The following CSMD3 variants were observed in gnomAD, a reference collection of about 807,000 sequenced individuals.
CSMD3 encodes CUB and Sushi multiple domains 3.
In CSMD3, 177 loss-of-function variants were observed where a neutral mutation model predicts 435.2. The observed-to-expected ratio is 0.41, with a 90% CI of 0.36 to 0.46. The LOEUF (loss-of-function observed/expected upper bound fraction) is 0.46, where lower values mean the gene tolerates loss of function less well. Ranked by LOEUF, CSMD3 falls within the 20% of genes least tolerant of loss-of-function variation. The pLI is 0.34. For synonymous variants in CSMD3, 1,656 were observed against 1,520.5 expected (o/e 1.09, Z -2.07); for missense variants, 4,265 against 4,504.6 (o/e 0.95, Z 1.52).
intron 4 of CSMD3, among the ~76,000 whole-genome samples, chr8:113,172,668 G>A (rs2092286890): frequency 6.6e-6 from 1 of 152,148 alleles, no homozygotes; most frequent in African/African-American, 2.4e-5. Context: ...TGACAAAGCT[G>A]GGATAAGAAG....
intron 3 of CSMD3, among the ~76,000 whole-genome samples, chr8:113,253,471 GT>G (rs915342094): frequency 6.6e-4 from 97 of 147,836 alleles, no homozygotes; most frequent in African/African-American, 2.1e-3. Context: ...ATTTAAAACT[GT>G]TTTTTTTTTC....
At chr8:113,030,719 G>A (rs2087071381) in intron 5 of CSMD3, among the ~76,000 whole-genome samples, 1 of 150,784 alleles carries the variant, frequency 6.6e-6, no homozygotes, top group Non-Finnish European at 1.5e-5. Context: ...TGAATAAGAA[G>A]ATGAAAAGAC....
chr8:112,405,135 A>G (rs3860881), intron 35 of CSMD3, among the ~76,000 whole-genome samples: 62,765 of 136,716 alleles, frequency 0.46, 15,073 homozygotes, highest in Middle Eastern at 0.6. Flanking sequence ...AGGGAGCTGT[A>G]ATCATGCCAC....
intron 5 of CSMD3, among the ~76,000 whole-genome samples, chr8:113,069,052 A>C (rs199767237): frequency 2.0e-5 from 3 of 149,244 alleles, no homozygotes; most frequent in African/African-American, 7.4e-5. Context: ...CCAAAAAAAA[A>C]GGAGGATTAG....
Position 112,459,358 on chromosome 8 carries a change from T to G in CSMD3, c.5395+13233A>C, listed in dbSNP as rs1187005437. 3.7e-3 allele frequency among the ~76,000 whole-genome samples: 417 copies of G among 112,618 alleles called. 1 individual carries two copies. Among genetic ancestry groups the G allele is most frequent in the African/African-American group, 0.011 (336 of 31,190 alleles). 73.9% of individuals were successfully genotyped at this position (112,618 alleles called of 152,430 possible). A position where few individuals can be genotyped will look rare whatever the true frequency, so the allele number is the denominator to read the frequency against. ...ATTGTGTGTGTGTTGTGTGTGTGTG[T>G]GGGGGGGGGGGGTTTATTCAATTAT... On this transcript the variant is annotated intron_variant, in intron 32 of 70. Transcript: ENST00000297405.
In CSMD3 at chr8:113,192,415, C is replaced by G. The variant is rs148919864; in HGVS notation, c.515-18499G>C. Among the ~76,000 whole-genome samples, 18 of 151,568 alleles carry G rather than the reference C, an allele frequency of 1.2e-4. No homozygotes were observed. The East Asian group carries it at 3.5e-3, about 30-fold the overall frequency. The stretch of plus-strand genomic sequence containing the variant: ...CAATTTTCTTTCGATATGGAATTTC[C>G]TTTCAGTATGGAAATTCTTGTCCTC... On this transcript the variant is annotated intron_variant, in intron 3 of 70. Transcript: ENST00000297405.
intron 1 of CSMD3, among the ~76,000 whole-genome samples, chr8:113,318,759 G>A (rs1295338772): frequency 6.8e-6 from 1 of 146,228 alleles, no homozygotes. Context: ...GCACATGGTG[G>A]GATTTCCTCT....
At chr8:112,698,134 A>G (rs1242820725) in intron 13 of CSMD3, among the ~76,000 whole-genome samples, 1 of 151,976 alleles carries the variant, frequency 6.6e-6, no homozygotes, top group Non-Finnish European at 1.5e-5. Flanking sequence ...TAAGGTTGGG[A>G]GGTTAAGTAT....
chr8:112,628,972 A>G (rs2074433856), intron 22 of CSMD3, among the ~76,000 whole-genome samples: 1 of 152,172 alleles, frequency 6.6e-6, no homozygotes, highest in Non-Finnish European at 1.5e-5. Context: ...AACATAATCA[A>G]ATTTGCATCA....
At chr8:112,637,420 C>T (rs2074693251) in intron 21 of CSMD3, among the ~76,000 whole-genome samples, 1 of 152,038 alleles carries the variant, frequency 6.6e-6, no homozygotes, top group African/African-American at 2.4e-5. Flanking sequence ...TAATATTTTA[C>T]ATTTAAATGA....
chr8:113,135,569 A>G (rs749667970), intron 4 of CSMD3, among the ~76,000 whole-genome samples: 5 of 151,888 alleles, frequency 3.3e-5, no homozygotes, highest in Admixed American at 1.3e-4. Context: ...GCTACCTTCC[A>G]GTGAGAGTAT....
intron 5 of CSMD3, among the ~76,000 whole-genome samples, chr8:113,033,242 G>A (rs1412097016): frequency 4.0e-5 from 6 of 151,594 alleles, no homozygotes; most frequent in Non-Finnish European, 8.8e-5. Context: ...TAGATCTAAC[G>A]ACAGTCTGCA....
chr8:112,239,168 C>A (rs1813871816), intron 66 of CSMD3, among the ~76,000 whole-genome samples: 1 of 152,028 alleles, frequency 6.6e-6, no homozygotes, highest in Non-Finnish European at 1.5e-5. Context: ...TACGTCACTT[C>A]CCTTTCTTTG....
At chr8:113,365,971 A>G (rs556500359) in intron 1 of CSMD3, among the ~76,000 whole-genome samples, 2 of 152,172 alleles carry the variant, frequency 1.3e-5, no homozygotes, top group Non-Finnish European at 2.9e-5. Flanking sequence ...ATCCAGTTTA[A>G]TCAATACATT....
intron 32 of CSMD3, among the ~76,000 whole-genome samples, chr8:112,453,037 T>G (rs747459005): frequency 1.3e-5 from 2 of 152,200 alleles, no homozygotes; most frequent in Non-Finnish European, 2.9e-5. Context: ...CTCATCAGAT[T>G]CCTGACTCTT....
intron 13 of CSMD3, 76 bp downstream of exon 13, chr8:112,800,086 T>C: frequency 1.0e-6 from 1 of 965,204 alleles, no homozygotes; most frequent in South Asian, 1.3e-5. Flanking sequence ...ATTTTGTAGA[T>C]GCAATTAAAC....
At chr8:112,481,561 CTCTT>C in intron 31 of CSMD3, among the ~76,000 whole-genome samples, 1 of 152,270 alleles carries the variant, frequency 6.6e-6, no homozygotes, top group South Asian at 2.1e-4. Flanking sequence ...TGGCCTGTGA[CTCTT>C]TCAGTTTGAA....
At chr8:112,878,562 C>T (rs1390273451) in intron 10 of CSMD3, among the ~76,000 whole-genome samples, 2 of 152,120 alleles carry the variant, frequency 1.3e-5, no homozygotes, top group Non-Finnish European at 2.9e-5. Context: ...AATCTCATTA[C>T]TGGGTATATA....
chr8:112,672,620 G>A (rs1051410423), intron 16 of CSMD3, among the ~76,000 whole-genome samples: 3 of 152,058 alleles, frequency 2.0e-5, no homozygotes, highest in African/African-American at 7.2e-5. Flanking sequence ...TCAGTTTTCT[G>A]GGATGAGGAA....
Sources: allele counts gnomAD v4.1 joint callset (sites outside exome capture counted in the v4.1 genomes callset), GRCh38; gene constraint gnomAD v4.1.1; transcripts MANE v1.5; gene names NCBI Gene and HGNC (gene_info 2026-07-23, HGNC 2026-07-21).